Variants in SNTG2 observed in about 807,000 individuals in gnomAD.
SNTG2 encodes the protein gamma-2-syntrophin.
In SNTG2, 74 loss-of-function variants were observed where a neutral mutation model predicts 70.9. The observed-to-expected ratio is 1.04, with a 90% CI of 0.86 to 1.27. SNTG2 has a LOEUF of 1.27. SNTG2 is among the 50% of genes most tolerant of loss of function. The pLI is 0.00. For synonymous variants in SNTG2, 278 were observed against 273.8 expected, an observed-to-expected ratio of 1.02 and a Z score of -0.15; for missense variants, 717 against 690.7, an observed-to-expected ratio of 1.04 and a Z score of -0.43.
At chr2:1,104,806 T>C (rs998564663) in intron 4 of SNTG2, among the ~76,000 whole-genome samples, 2 of 152,228 alleles carry the variant, frequency 1.3e-5, no homozygotes, top group African/African-American at 4.8e-5. Flanking sequence ...TGTGGTTTTC[T>C]CCCAGTATCT....
chr2:981,959 G>T (rs1049283476), intron 1 of SNTG2, among the ~76,000 whole-genome samples: 2 of 152,044 alleles, frequency 1.3e-5, no homozygotes, highest in East Asian at 1.9e-4. Context: ...TGTCCACACA[G>T]ATGTACACAG....
intron 16 of SNTG2, chr2:1,341,718 CAA>C (rs911399479): frequency 1.3e-5 from 2 of 152,186 alleles, no homozygotes; most frequent in African/African-American, 4.8e-5. Flanking sequence ...GGGAGAGAAA[CAA>C]GACAAGGCTG....
At chr2:1,020,090 G>T (rs932929958) in intron 1 of SNTG2, among the ~76,000 whole-genome samples, 1 of 152,186 alleles carries the variant, frequency 6.6e-6, no homozygotes, top group Non-Finnish European at 1.5e-5. Flanking sequence ...GCCACTGACA[G>T]TTATTCCCAA....
At chr2:1,304,981 C>G (rs145892019) in intron 14 of SNTG2, among the ~76,000 whole-genome samples, 232 of 151,860 alleles carry the variant, frequency 1.5e-3, no homozygotes, top group African/African-American at 5.1e-3. Flanking sequence ...GTTTCGGTCA[C>G]TTGTGGAAGG....
chr2:1,091,596 A>G (rs895288972), intron 2 of SNTG2, among the ~76,000 whole-genome samples: 5 of 152,130 alleles, frequency 3.3e-5, no homozygotes, highest in Admixed American at 2.0e-4. Flanking sequence ...CCGCTCCCCC[A>G]TGAAGCCCGC....
chr2:1,066,947 C>T (rs917679001), intron 1 of SNTG2, among the ~76,000 whole-genome samples: 8 of 152,184 alleles, frequency 5.3e-5, no homozygotes, highest in Admixed American at 5.2e-4. Flanking sequence ...CTCTGCAAAA[C>T]TTCGTGACCC....
At chr2:1,170,807 T>C (rs533537578) in intron 7 of SNTG2, among the ~76,000 whole-genome samples, 3 of 152,146 alleles carry the variant, frequency 2.0e-5, no homozygotes, top group Non-Finnish European at 2.9e-5. Context: ...TATACCACCA[T>C]GAGCATCCGT....
At chr2:1,271,474 T>C (rs1436340811) in intron 14 of SNTG2, among the ~76,000 whole-genome samples, 2 of 152,102 alleles carry the variant, frequency 1.3e-5, no homozygotes, top group East Asian at 1.9e-4. Context: ...TCTTTCCTAA[T>C]AGCAACACAA....
chr2:1,070,036 G>A (rs1572356853), intron 1 of SNTG2, among the ~76,000 whole-genome samples: 1 of 152,030 alleles, frequency 6.6e-6, no homozygotes, highest in Non-Finnish European at 1.5e-5. Flanking sequence ...AGTGACGTCA[G>A]TGTGCAGGGG....
chr2:1,215,233 A>G (rs1033136945), intron 9 of SNTG2, among the ~76,000 whole-genome samples: 3 of 152,166 alleles, frequency 2.0e-5, no homozygotes, highest in African/African-American at 7.2e-5. Flanking sequence ...TGGTATTAGG[A>G]TAATGCTGGC....
At chr2:1,167,493 AGCC>A (rs1670804895) in intron 7 of SNTG2, among the ~76,000 whole-genome samples, 1 of 124,342 alleles carries the variant, frequency 8.0e-6, no homozygotes, top group South Asian at 2.9e-4. Flanking sequence ...GAAGCCTAGA[AGCC>A]GCCCACAGAC....
intron 1 of SNTG2, among the ~76,000 whole-genome samples, chr2:1,031,836 A>G (rs1267692371): frequency 1.3e-5 from 2 of 152,108 alleles, no homozygotes; most frequent in Non-Finnish European, 2.9e-5. Flanking sequence ...AATATCATGC[A>G]TAGGTCAATC....
intron 6 of SNTG2, among the ~76,000 whole-genome samples, chr2:1,155,915 A>G (rs1009085557): frequency 2.0e-5 from 3 of 152,126 alleles, no homozygotes; most frequent in Non-Finnish European, 2.9e-5. Context: ...GCTGCTCCCC[A>G]TGGACCCCAG....
chr2:1,211,194 T>C (rs923924319), intron 9 of SNTG2, among the ~76,000 whole-genome samples: 2 of 152,338 alleles, frequency 1.3e-5, no homozygotes, highest in East Asian at 1.9e-4. Context: ...TCTTACAACA[T>C]GTTTCTTTGG....
intron 14 of SNTG2, among the ~76,000 whole-genome samples, chr2:1,274,915 G>A (rs1558623072): frequency 6.6e-6 from 1 of 152,316 alleles, no homozygotes; most frequent in East Asian, 1.9e-4. Flanking sequence ...TTAGCTCATA[G>A]TTCTGCAGGC....
At chr2:1,299,452 C>A (rs1055384200) in intron 14 of SNTG2, among the ~76,000 whole-genome samples, 1 of 152,170 alleles carries the variant, frequency 6.6e-6, no homozygotes, top group Non-Finnish European at 1.5e-5. Context: ...CAATCTGCAG[C>A]TCCTCACCCC....
chr2:1,094,923 G>A (rs1337602858), intron 2 of SNTG2, among the ~76,000 whole-genome samples: 2 of 120,018 alleles, frequency 1.7e-5, no homozygotes, highest in African/African-American at 3.5e-5. Flanking sequence ...GGCAAGGGCT[G>A]GCTTCCTGGA....
chr2:1,164,969 A>G (rs976126684), intron 6 of SNTG2, among the ~76,000 whole-genome samples: 2 of 152,218 alleles, frequency 1.3e-5, no homozygotes, highest in Admixed American at 1.3e-4. Flanking sequence ...ACAATGGCAA[A>G]TACATTGTGC....
intron 1 of SNTG2, among the ~76,000 whole-genome samples, chr2:993,461 G>A (rs900611096): frequency 6.6e-6 from 1 of 152,078 alleles, no homozygotes; most frequent in Admixed American, 6.5e-5. Flanking sequence ...TAATGATGCT[G>A]TAAATATTTA....
Sources: gnomAD v4.1 joint callset for allele counts (sites outside exome capture counted in the v4.1 genomes callset) on GRCh38, gnomAD v4.1.1 for gene constraint, MANE v1.5 for transcripts, NCBI Gene and HGNC (gene_info 2026-07-23, HGNC 2026-07-21) for gene names.